AKAP19: variants seen among roughly 807,000 people sequenced by gnomAD.
AKAP19 encodes A-kinase anchoring protein 19.
chr2:190,035,876 TC>T, the AKAP19 span, among the ~76,000 whole-genome samples: 1 of 152,228 alleles, frequency 6.6e-6, no homozygotes, highest in South Asian at 2.1e-4. Context: ...CTCTGAACAT[TC>T]ACAAACAGAT....
At chr2:189,980,069 C>T in the AKAP19 span, among the ~76,000 whole-genome samples, 1 of 152,112 alleles carries the variant, frequency 6.6e-6, no homozygotes, top group Non-Finnish European at 1.5e-5. Context: ...GGGGCACCTA[C>T]CCAAAGAAAA....
At chr2:189,913,459 A>T in the AKAP19 span, among the ~76,000 whole-genome samples, 6 of 152,100 alleles carry the variant, frequency 3.9e-5, no homozygotes, top group Admixed American at 1.3e-4. Context: ...TATATTTTTT[A>T]AAAAAGTAAA....
the AKAP19 span, chr2:190,062,448 G>A: frequency 6.2e-7 from 1 of 1,613,512 alleles, no homozygotes; most frequent in Non-Finnish European, 8.5e-7. Flanking sequence ...TATTCTTGAA[G>A]ATTTAGTGTT....
chr2:190,170,758 G>A, the AKAP19 span, among the ~76,000 whole-genome samples: 1 of 152,052 alleles, frequency 6.6e-6, no homozygotes, highest in Non-Finnish European at 1.5e-5. Context: ...GATGTATTGT[G>A]GTAAAGAGGT....
chr2:189,958,855 T>C, the AKAP19 span, among the ~76,000 whole-genome samples: 1 of 152,214 alleles, frequency 6.6e-6, no homozygotes, highest in Non-Finnish European at 1.5e-5. Flanking sequence ...AGTAAATGAA[T>C]ACTTAAAGCA....
the AKAP19 span, among the ~76,000 whole-genome samples, chr2:190,049,838 AC>A: frequency 6.6e-6 from 1 of 152,388 alleles, no homozygotes; most frequent in Non-Finnish European, 1.5e-5. Flanking sequence ...ATGTGTGTAC[AC>A]ACATGTATCA....
At chr2:189,950,877 C>T in the AKAP19 span, among the ~76,000 whole-genome samples, 1 of 152,194 alleles carries the variant, frequency 6.6e-6, no homozygotes. Flanking sequence ...GGGCTGCCCA[C>T]TTACCAACCT....
At chr2:189,930,874 G>A in the AKAP19 span, 2 of 729,090 alleles carry the variant, frequency 2.7e-6, no homozygotes, top group Non-Finnish European at 5.0e-6. Flanking sequence ...ATGGTAGACT[G>A]GAGCTGGAAC....
chr2:190,132,228 C>T, the AKAP19 span, among the ~76,000 whole-genome samples: 1 of 152,128 alleles, frequency 6.6e-6, no homozygotes, highest in Admixed American at 6.5e-5. Flanking sequence ...ACAAAGCGAT[C>T]TACAGGTTCA....
At chr2:190,137,019 G>A in the AKAP19 span, among the ~76,000 whole-genome samples, 2 of 152,188 alleles carry the variant, frequency 1.3e-5, no homozygotes, top group Non-Finnish European at 1.5e-5. Flanking sequence ...ATGTGTCGAC[G>A]TAGCAGAATG....
the AKAP19 span, among the ~76,000 whole-genome samples, chr2:190,064,384 A>C: frequency 2.0e-5 from 3 of 151,880 alleles, no homozygotes; most frequent in African/African-American, 7.3e-5. Context: ...TAACACATGC[A>C]TCTATACAGT....
chr2:189,936,023 C>A, the AKAP19 span, among the ~76,000 whole-genome samples: 1 of 151,702 alleles, frequency 6.6e-6, no homozygotes, highest in Non-Finnish European at 1.5e-5. Context: ...AGTGCTTTAA[C>A]AAGAAACTTT....
the AKAP19 span, chr2:189,923,692 T>C: frequency 5.6e-6 from 9 of 1,613,756 alleles, no homozygotes; most frequent in South Asian, 7.7e-5. Flanking sequence ...AACGGGACTA[T>C]TATGATAGGA....
chr2:189,885,205 G>C, the AKAP19 span, among the ~76,000 whole-genome samples: 1 of 152,146 alleles, frequency 6.6e-6, no homozygotes, highest in Admixed American at 6.6e-5. Context: ...TTGCCCATTA[G>C]ATTATAACAG....
chr2:190,100,356 G>A, the AKAP19 span, among the ~76,000 whole-genome samples: 11 of 152,160 alleles, frequency 7.2e-5, no homozygotes, highest in Non-Finnish European at 1.3e-4. Flanking sequence ...GATCCAATTC[G>A]TTTTTGTTGC....
chr2:189,965,615 C>A, the AKAP19 span, among the ~76,000 whole-genome samples: 1 of 150,676 alleles, frequency 6.6e-6, no homozygotes, highest in Admixed American at 6.7e-5. Flanking sequence ...CTTACTCCTG[C>A]AACAGTGGCC....
the AKAP19 span, among the ~76,000 whole-genome samples, chr2:189,903,110 G>C: frequency 6.6e-6 from 1 of 151,628 alleles, no homozygotes; most frequent in Non-Finnish European, 1.5e-5. Flanking sequence ...TTTATAAATG[G>C]AAAATCAGAG....
the AKAP19 span, among the ~76,000 whole-genome samples, chr2:189,991,090 C>T: frequency 1.3e-5 from 2 of 152,196 alleles, no homozygotes; most frequent in African/African-American, 2.4e-5. Context: ...TTTATCCACT[C>T]ATTGGCTGAT....
chr2:190,199,794 T>C, the AKAP19 span: 5 of 1,568,606 alleles, frequency 3.2e-6, no homozygotes, highest in Admixed American at 1.9e-5. Context: ...ACAAATTTCA[T>C]TGTTTTCTAA....
Sources: allele counts gnomAD v4.1 joint callset (sites outside exome capture counted in the v4.1 genomes callset), GRCh38; gene constraint gnomAD v4.1.1; transcripts MANE v1.5; gene names NCBI Gene and HGNC (gene_info 2026-07-23, HGNC 2026-07-21).